DIP2B: variants seen among roughly 807,000 people sequenced by gnomAD.
DIP2B encodes DIP2 acetate--CoA ligase B (putative).
Under a neutral mutation model 198.0 loss-of-function variants are expected in DIP2B, and 76 were observed. That is an observed-to-expected ratio of 0.38 (90% CI 0.32 to 0.46). DIP2B has a LOEUF of 0.46. Among genes scored for constraint, DIP2B ranks in the 20% least tolerant of loss-of-function variants. The pLI, the probability that DIP2B is intolerant of heterozygous loss-of-function variation, is 0.99. For missense variants in DIP2B, 1,559 were observed against 1,978.4 expected, an observed-to-expected ratio of 0.79 and a Z score of 4.02; for synonymous variants, 701 against 739.1, an observed-to-expected ratio of 0.95 and a Z score of 0.84.
intron 1 of DIP2B, among the ~76,000 whole-genome samples, chr12:50,570,997 AG>A (rs1489531998): frequency 1.3e-5 from 2 of 152,204 alleles, no homozygotes; most frequent in Non-Finnish European, 2.9e-5. Context: ...AGGAGCTTAT[AG>A]TCTAATCAAG....
intron 1 of DIP2B, among the ~76,000 whole-genome samples, chr12:50,525,698 C>T (rs575858202): frequency 1.3e-5 from 2 of 152,004 alleles, no homozygotes; most frequent in South Asian, 4.2e-4. Context: ...TATTTTGTAG[C>T]TACAGGATCT....
At chr12:50,533,576 A>G (rs1028106643) in intron 1 of DIP2B, among the ~76,000 whole-genome samples, 2 of 150,372 alleles carry the variant, frequency 1.3e-5, no homozygotes. Flanking sequence ...GATTCTAACC[A>G]TTTTTTAACT....
intron 1 of DIP2B, among the ~76,000 whole-genome samples, chr12:50,623,824 A>T (rs1352353816): frequency 6.6e-6 from 1 of 152,094 alleles, no homozygotes; most frequent in Admixed American, 6.6e-5. Context: ...TTGTTGTGGG[A>T]CATTGCAGGT....
At chr12:50,508,227 C>T (rs1957984939) in intron 1 of DIP2B, among the ~76,000 whole-genome samples, 1 of 152,196 alleles carries the variant, frequency 6.6e-6, no homozygotes, top group Non-Finnish European at 1.5e-5. Flanking sequence ...TGAATTTCCA[C>T]ATAAGGATGA....
chr12:50,524,818 T>G (rs1958148904), intron 1 of DIP2B, among the ~76,000 whole-genome samples: 1 of 152,174 alleles, frequency 6.6e-6, no homozygotes, highest in Non-Finnish European at 1.5e-5. Context: ...AGCTTCCTCT[T>G]CCTGGGCTCA....
intron 3 of DIP2B, among the ~76,000 whole-genome samples, chr12:50,648,133 C>CA (rs1199597809): frequency 6.6e-6 from 1 of 151,762 alleles, no homozygotes; most frequent in Non-Finnish European, 1.5e-5. Context: ...AACAAACAAA[C>CA]AAAAACCAAA....
At chr12:50,709,253 A>C (rs1315898063) in intron 22 of DIP2B, among the ~76,000 whole-genome samples, 1 of 152,234 alleles carries the variant, frequency 6.6e-6, no homozygotes, top group Admixed American at 6.5e-5. Flanking sequence ...AAATGAGGTA[A>C]TTAATTGAAG....
intron 18 of DIP2B, 26 bp downstream of exon 18, chr12:50,698,493 T>G: frequency 6.3e-7 from 1 of 1,594,142 alleles, no homozygotes; most frequent in South Asian, 1.1e-5. Context: ...CATCATTTGG[T>G]TTTTCATAAA....
chr12:50,596,802 T>TA (rs1380653952), intron 1 of DIP2B, among the ~76,000 whole-genome samples: 12 of 152,340 alleles, frequency 7.9e-5, no homozygotes, highest in African/African-American at 2.9e-4. Flanking sequence ...AGGAGTTGGA[T>TA]AACCCAAGAT....
chr12:50,571,899 C>T (rs910375095), intron 1 of DIP2B, among the ~76,000 whole-genome samples: 1 of 152,138 alleles, frequency 6.6e-6, no homozygotes, highest in African/African-American at 2.4e-5. Context: ...CTTTAACATA[C>T]AGCCAGGCCT....
At chr12:50,713,270 G>A (rs752245565) in intron 22 of DIP2B, among the ~76,000 whole-genome samples, 27 of 152,248 alleles carry the variant, frequency 1.8e-4, no homozygotes, top group Non-Finnish European at 3.2e-4. Flanking sequence ...CTGTAAGTTA[G>A]CACCAGAATG....
At chr12:50,725,610 T>G (rs776707843) in intron 28 of DIP2B, among the ~76,000 whole-genome samples, 1 of 152,192 alleles carries the variant, frequency 6.6e-6, no homozygotes, top group Non-Finnish European at 1.5e-5. Context: ...TTAAATGATG[T>G]AACACAAAGC....
chr12:50,536,273 A>ATACATACG lies in DIP2B; in HGVS notation c.100+31040_100+31041insGTACATAC, dbSNP rs574578981. On this transcript the variant is annotated intron_variant, in intron 1 of 37. Coordinates refer to ENST00000301180, the MANE Select transcript of DIP2B (RefSeq NM_173602.3). The stretch of plus-strand genomic sequence containing the variant: ...GACCTTATTTCTACTAAATACGTGC[A>ATACATACG]TACATACATACATACATACATACAT... 2.2e-3 allele frequency among the ~76,000 whole-genome samples: 323 copies of ATACATACG among 143,974 alleles called. 1 individual carries two copies. Among genetic ancestry groups the ATACATACG allele is most frequent in the Middle Eastern group, 0.016 (4 of 256 alleles). 94.5% of individuals were successfully genotyped at this position (143,974 alleles called of 152,430 possible).
chr12:50,652,818 C>T (rs1403877717), intron 3 of DIP2B, among the ~76,000 whole-genome samples: 1 of 152,052 alleles, frequency 6.6e-6, no homozygotes, highest in African/African-American at 2.4e-5. Flanking sequence ...TTTTAATGTA[C>T]AAGTTTTTCA....
At chr12:50,702,661 G>A (rs1351516338) in intron 19 of DIP2B, among the ~76,000 whole-genome samples, 1 of 135,816 alleles carries the variant, frequency 7.4e-6, no homozygotes, top group Non-Finnish European at 1.5e-5. Context: ...GTTCAAGGCT[G>A]TACTGAACCA....
At chr12:50,519,570 A>G (rs994799248) in intron 1 of DIP2B, among the ~76,000 whole-genome samples, 6 of 152,282 alleles carry the variant, frequency 3.9e-5, no homozygotes, top group African/African-American at 1.4e-4. Context: ...TGGATGCTAC[A>G]TGGGACAGCC....
chr12:50,530,986 A>C (rs1434899704), intron 1 of DIP2B, among the ~76,000 whole-genome samples: 1 of 152,170 alleles, frequency 6.6e-6, no homozygotes, highest in Non-Finnish European at 1.5e-5. Flanking sequence ...TACATTCAGT[A>C]TTCCTTAGCA....
intron 1 of DIP2B, among the ~76,000 whole-genome samples, chr12:50,560,873 T>C (rs1343006173): frequency 6.6e-6 from 1 of 152,252 alleles, no homozygotes; most frequent in Non-Finnish European, 1.5e-5. Context: ...TTATAAAATT[T>C]AGTGGTTTAA....
intron 17 of DIP2B, among the ~76,000 whole-genome samples, chr12:50,697,603 C>T (rs1266971256): frequency 8.0e-6 from 1 of 124,262 alleles, no homozygotes; most frequent in Non-Finnish European, 1.6e-5. Context: ...GATTATGGCT[C>T]ACTGCAGCCT....
Sources: allele counts gnomAD v4.1 joint callset (sites outside exome capture counted in the v4.1 genomes callset), GRCh38; gene constraint gnomAD v4.1.1; transcripts MANE v1.5; gene names NCBI Gene and HGNC (gene_info 2026-07-23, HGNC 2026-07-21).